CLMP: variants seen among roughly 807,000 people sequenced by gnomAD.
CLMP encodes the protein CXADR like cell adhesion molecule.
A neutral mutation model predicts 45.2 loss-of-function variants in CLMP; 27 were observed. The ratio of observed to expected loss-of-function variants is 0.60; its 90% confidence interval spans 0.44 to 0.82. The LOEUF (loss-of-function observed/expected upper bound fraction) is 0.82, where lower values mean the gene tolerates loss of function less well. Among genes scored for constraint, CLMP ranks in the 40% least tolerant of loss-of-function variants. CLMP has a pLI of 0.00. For missense variants in CLMP, 403 were observed against 448.4 expected (o/e 0.90, Z 0.91); for synonymous variants, 167 against 171.4 (o/e 0.97, Z 0.20).
intron 1 of CLMP, among the ~76,000 whole-genome samples, chr11:123,143,269 A>C (rs1034486582): frequency 3.9e-5 from 6 of 152,186 alleles, no homozygotes; most frequent in Admixed American, 3.9e-4. Context: ...TTTTTCTCCT[A>C]CAAGCTGAGT....
At chr11:123,079,745 T>C (rs368726400) in intron 5 of CLMP, among the ~76,000 whole-genome samples, 1 of 152,190 alleles carries the variant, frequency 6.6e-6, no homozygotes, top group East Asian at 1.9e-4. Context: ...GCACCCGGCC[T>C]GACTGTTGTG....
chr11:123,158,108 C>G (rs112165179), intron 1 of CLMP, among the ~76,000 whole-genome samples: 315 of 152,304 alleles, frequency 2.1e-3, no homozygotes, highest in African/African-American at 7.0e-3. Context: ...ACCCAGCAAG[C>G]CTTTGTCAGG....
At chr11:123,187,734 G>C (rs1391518805) in intron 1 of CLMP, among the ~76,000 whole-genome samples, 3 of 152,072 alleles carry the variant, frequency 2.0e-5, no homozygotes, top group Non-Finnish European at 4.4e-5. Context: ...AGAGGTAACT[G>C]TGTCACTGGC....
chr11:123,088,591 T>G (rs748266924), intron 2 of CLMP, among the ~76,000 whole-genome samples: 2 of 152,084 alleles, frequency 1.3e-5, no homozygotes, highest in Admixed American at 6.6e-5. Flanking sequence ...GTGACCTTTT[T>G]GGCCTGAGAG....
At chr11:123,125,601 T>TTTTC (rs564396879) in intron 1 of CLMP, among the ~76,000 whole-genome samples, 73 of 133,174 alleles carry the variant, frequency 5.5e-4, no homozygotes, top group African/African-American at 1.9e-3. Flanking sequence ...TCTTCTTTTC[T>TTTTC]TTTCTTTCTT....
At chr11:123,107,940 G>C (rs1860583106) in intron 1 of CLMP, among the ~76,000 whole-genome samples, 2 of 152,062 alleles carry the variant, frequency 1.3e-5, no homozygotes. Context: ...TAAGAAAATT[G>C]ATAATATTGT....
intron 1 of CLMP, among the ~76,000 whole-genome samples, chr11:123,137,674 G>A (rs938833759): frequency 3.8e-4 from 58 of 152,052 alleles, no homozygotes; most frequent in Middle Eastern, 3.4e-3. Flanking sequence ...TTATAGAAAG[G>A]GGAAGGCTGA....
At chr11:123,082,550 C>CTCGG (rs1865817855) in intron 5 of CLMP, among the ~76,000 whole-genome samples, 1 of 151,912 alleles carries the variant, frequency 6.6e-6, no homozygotes, top group African/African-American at 2.4e-5. Context: ...ATCTGCCTGC[C>CTCGG]TCGGCCTCCC....
rs373689068 is a variant in CLMP at position 123,084,495 on chromosome 11, T to G, written c.388+17A>C. On this transcript the variant is annotated intron_variant, in intron 3 of 6. Transcript: ENST00000448775. ...TAGAAATAAGCTGTAGACATTCACT[T>G]TGGCATCCTATCTTACCTAAGACTT... 61 of 1,605,256 alleles carry G rather than the reference T, an allele frequency of 3.8e-5. No homozygotes were observed. In the African/African-American group the frequency reaches 7.6e-4, roughly 20 times the overall value.
chr11:123,140,886 G>A (rs1181332381), intron 1 of CLMP, among the ~76,000 whole-genome samples: 2 of 152,082 alleles, frequency 1.3e-5, no homozygotes, highest in African/African-American at 4.8e-5. Context: ...GGGTCTTGGG[G>A]GTGGATCCCT....
At chr11:123,145,048 A>G (rs907055776) in intron 1 of CLMP, among the ~76,000 whole-genome samples, 2 of 152,222 alleles carry the variant, frequency 1.3e-5, no homozygotes, top group Admixed American at 1.3e-4. Context: ...TTAGTATAAT[A>G]AAAAGAGTGT....
At chr11:123,076,753 A>G (rs1865744898) in intron 5 of CLMP, among the ~76,000 whole-genome samples, 1 of 152,132 alleles carries the variant, frequency 6.6e-6, no homozygotes, top group Admixed American at 6.6e-5. Context: ...TTAATGTGAG[A>G]GCAATAAAAG....
At chr11:123,164,558 C>T (rs1010808634) in intron 1 of CLMP, among the ~76,000 whole-genome samples, 5 of 152,148 alleles carry the variant, frequency 3.3e-5, no homozygotes, top group East Asian at 1.9e-4. Flanking sequence ...CCCATCTCGG[C>T]CTCCCAAAGT....
intron 1 of CLMP, among the ~76,000 whole-genome samples, chr11:123,157,032 G>A (rs1350403526): frequency 6.6e-6 from 1 of 152,198 alleles, no homozygotes; most frequent in Non-Finnish European, 1.5e-5. Flanking sequence ...GAATCCCAGA[G>A]GTTAAAAGCT....
At chr11:123,104,415 C>T (rs1470807893) in intron 1 of CLMP, among the ~76,000 whole-genome samples, 1 of 149,802 alleles carries the variant, frequency 6.7e-6, no homozygotes, top group Non-Finnish European at 1.5e-5. Context: ...GACGGAGTCT[C>T]GCCCTGTTGC....
In CLMP at chr11:123,084,702, G is replaced by A; in HGVS notation, c.198C>T (p.Tyr66=). The part of the protein sequence containing the change: ...NEGNQKVVIT[Y]SSRHVYNNLT... ...AGTTATTGTAGACATGACGACTGGA[G>A]TAAGTGATCACCTGTGGGATAGACC... The change falls in exon 3 of 7, where the codon TAC becomes TAT. Residue 66 remains tyrosine, a synonymous_variant. Coordinates refer to ENST00000448775, the MANE Select transcript of CLMP (RefSeq NM_024769.5). 1.2e-6 allele frequency: 2 copies of A among 1,614,142 alleles called. No individual in the cohort carries two copies. The highest frequency in any genetic ancestry group is 1.7e-6 in the Non-Finnish European group (2 of 1,180,006).
At chr11:123,083,891 C>A (rs759004011) in intron 3 of CLMP, 44 bp from the exon 4 acceptor site, 9 of 1,600,058 alleles carry the variant, frequency 5.6e-6, no homozygotes, top group Non-Finnish European at 6.8e-6. Flanking sequence ...ATTCAAAGAT[C>A]CCCAAACACC....
intron 1 of CLMP, among the ~76,000 whole-genome samples, chr11:123,194,007 G>A (rs1239074570): frequency 2.0e-5 from 3 of 152,038 alleles, no homozygotes; most frequent in African/African-American, 4.8e-5. Flanking sequence ...GCATAGTGAC[G>A]TGCCCTTGGC....
chr11:123,161,951 C>T (rs893871591), intron 1 of CLMP, among the ~76,000 whole-genome samples: 1 of 152,184 alleles, frequency 6.6e-6, no homozygotes, highest in Non-Finnish European at 1.5e-5. Flanking sequence ...CAATATGAGG[C>T]TTTGAGCTCC....
Sources: allele counts gnomAD v4.1 joint callset (sites outside exome capture counted in the v4.1 genomes callset), GRCh38; gene constraint gnomAD v4.1.1; transcripts MANE v1.5; gene names NCBI Gene and HGNC (gene_info 2026-07-23, HGNC 2026-07-21).